SV2B: variants seen among roughly 807,000 people sequenced by gnomAD.
SV2B encodes the protein solute carrier family 22 member B2.
Under a neutral mutation model 73.9 loss-of-function variants are expected in SV2B, and 41 were observed. That is an observed-to-expected ratio of 0.56 (90% CI 0.43 to 0.72). The LOEUF is 0.72. Ranked by LOEUF, SV2B falls within the 30% of genes least tolerant of loss-of-function variation. The pLI is 0.00. For missense variants in SV2B, 764 were observed against 857.8 expected, an observed-to-expected ratio of 0.89 and a Z score of 1.37; for synonymous variants, 314 against 314.2, an observed-to-expected ratio of 1.00 and a Z score of 0.01.
At chr15:91,221,697 A>G (rs111723431) in intron 1 of SV2B, among the ~76,000 whole-genome samples, 11,964 of 113,182 alleles carry the variant, frequency 0.11, 565 homozygotes, top group Middle Eastern at 0.14. Flanking sequence ...ATGTGCGCAC[A>G]CACACACACA....
rs1487988357 is a variant in SV2B at position 91,140,456 on chromosome 15, G to A, written c.-392+40093G>A. 5.3e-5 allele frequency among the ~76,000 whole-genome samples: 8 copies of A among 152,212 alleles called. No homozygotes were observed. On this transcript the variant is annotated intron_variant, in intron 1 of 12. Transcript: ENST00000394232. This position sits in a 1 kb window ranked among gnomAD's most constrained non-coding sequence, Gnocchi z 4.4. Reference sequence around the variant, plus strand: ...TTCTCAAAGGAAGCTTTAATTAGGTGTATATCTCTCCTGTGTGCCAATTCG... The same window carrying A: ...TTCTCAAAGGAAGCTTTAATTAGGTATATATCTCTCCTGTGTGCCAATTCG...
chr15:91,268,608 A>G lies in SV2B; in HGVS notation c.1373+3A>G. On this transcript the variant is annotated splice_donor_region_variant and intron_variant, in intron 9 of 12. Coordinates refer to ENST00000394232, the MANE Select transcript of SV2B (RefSeq NM_001323032.3). The surrounding 1 kb of genome is among the most constrained non-coding windows in gnomAD (Gnocchi z 4.4). ...CATGGGAAACTTGTGAATGATAAGT[A>G]AGTGAGTGATCACGGGCTTCCCTCA... The G allele has an allele frequency of 1.2e-6, 2 of 1,609,128 alleles. No homozygotes were observed. The highest frequency in any genetic ancestry group is 1.7e-4 in the Middle Eastern group (1 of 6,050).
At chr15:91,143,413 C>G (rs953593442) in intron 1 of SV2B, among the ~76,000 whole-genome samples, 3 of 152,174 alleles carry the variant, frequency 2.0e-5, no homozygotes, top group Non-Finnish European at 4.4e-5. Flanking sequence ...CCGAGAATAC[C>G]TGCTGGTGGC....
At chr15:91,287,483 G>A in intron 11 of SV2B, among the ~76,000 whole-genome samples, 1 of 152,142 alleles carries the variant, frequency 6.6e-6, no homozygotes, top group Non-Finnish European at 1.5e-5. Context: ...GCCATGTTCT[G>A]CATCCACCTT....
intron 1 of SV2B, among the ~76,000 whole-genome samples, chr15:91,215,874 T>C (rs1444020631): frequency 2.0e-5 from 3 of 152,192 alleles, no homozygotes; most frequent in Non-Finnish European, 2.9e-5. Flanking sequence ...TATTTAAAAC[T>C]AAAAACCATT....
At chr15:91,205,677 C>T (rs1332745387) in intron 1 of SV2B, among the ~76,000 whole-genome samples, 2 of 152,084 alleles carry the variant, frequency 1.3e-5, no homozygotes, top group Admixed American at 1.3e-4. Context: ...AGGATAACAA[C>T]ATTTTCATAC....
chr15:91,261,153 C>T lies in SV2B; in HGVS notation c.1008+744C>T, dbSNP rs2047898133. On this transcript the variant is annotated intron_variant, in intron 6 of 12. Coordinates refer to ENST00000394232, the MANE Select transcript of SV2B (RefSeq NM_001323032.3). This position sits in a 1 kb window ranked among gnomAD's most constrained non-coding sequence, Gnocchi z 4.7. Reference sequence around the variant, plus strand: ...TGGCGGGTACCTAAAATCCCAGCTACTCAGGAGGCTGAGGCAGGAGAATTG... The same window carrying T: ...TGGCGGGTACCTAAAATCCCAGCTATTCAGGAGGCTGAGGCAGGAGAATTG... Among the ~76,000 whole-genome samples, 1 of 152,084 alleles carries T rather than the reference C, an allele frequency of 6.6e-6. No individual in the cohort carries two copies. Among genetic ancestry groups the T allele is most frequent in the Admixed American group, 6.5e-5 (1 of 15,268 alleles).
intron 1 of SV2B, among the ~76,000 whole-genome samples, chr15:91,157,664 C>A (rs1038179329): frequency 6.6e-6 from 1 of 152,182 alleles, no homozygotes; most frequent in African/African-American, 2.4e-5. Context: ...GAGGGGAGAA[C>A]TGAGGCATAG....
rs1393972436 is a variant in SV2B at position 91,115,427 on chromosome 15, A to T, written c.-392+15064A>T. Reference sequence around the variant, plus strand: ...TGCTCTGTTACTCAGGTTGGAGTACAGTAGTGTGATCTTGGCTCACTGCAA... The same window carrying T: ...TGCTCTGTTACTCAGGTTGGAGTACTGTAGTGTGATCTTGGCTCACTGCAA... On this transcript the variant is annotated intron_variant, in intron 1 of 12. Transcript: ENST00000394232. The surrounding 1 kb of genome is among the most constrained non-coding windows in gnomAD (Gnocchi z 4.3). Among the ~76,000 whole-genome samples, 1 of 151,956 alleles carries T rather than the reference A, an allele frequency of 6.6e-6. No individual in the cohort carries two copies. Among genetic ancestry groups the T allele is most frequent in the Non-Finnish European group, 1.5e-5 (1 of 67,988 alleles).
chr15:91,184,144 C>A (rs1338155036), intron 1 of SV2B, among the ~76,000 whole-genome samples: 1 of 152,152 alleles, frequency 6.6e-6, no homozygotes, highest in Admixed American at 6.5e-5. Context: ...TGCCCCAGTA[C>A]CTAGCATAGA....
At chr15:91,151,457 C>T (rs1021448880) in intron 1 of SV2B, among the ~76,000 whole-genome samples, 1 of 152,180 alleles carries the variant, frequency 6.6e-6, no homozygotes, top group African/African-American at 2.4e-5. Context: ...AGCCTGAGAC[C>T]ACTAAGGACC....
rs3837744 is a variant in SV2B, at chr15:91,238,984, TTAACCAGCACTAGCTCAGATGAAC to T, written c.451+12272_451+12295del. 2.6e-3 allele frequency among the ~76,000 whole-genome samples: 394 copies of T among 152,336 alleles called. 6 individuals are homozygous for T. The highest frequency in any genetic ancestry group is 0.017 in the East Asian group (86 of 5,188). ...AAAATTCCTCTTTATTTTGTAAATCTTAACCAGCACTAGCTCAGATGAACTGATTTTCACTTTGCAAAGGTTTGA... is the reference window on the plus strand; with the variant it reads ...AAAATTCCTCTTTATTTTGTAAATCTTGATTTTCACTTTGCAAAGGTTTGA... On this transcript the variant is annotated intron_variant, in intron 2 of 12. Coordinates refer to ENST00000394232, the MANE Select transcript of SV2B (RefSeq NM_001323032.3).
At position 91,268,802 on chromosome 15, in the gene SV2B, C is replaced by T. The variant is rs2048197038; in HGVS notation, c.1373+197C>T. On this transcript the variant is annotated intron_variant, in intron 9 of 12. Coordinates refer to ENST00000394232, the MANE Select transcript of SV2B (RefSeq NM_001323032.3). This position sits in a 1 kb window ranked among gnomAD's most constrained non-coding sequence, Gnocchi z 4.4. The stretch of plus-strand genomic sequence containing the variant: ...GGCTGTGTCTGTGTTGTGCTGGCTC[C>T]CCGACACCCTAATCTCCTGGTGAGA... Among the ~76,000 whole-genome samples the T allele has an allele frequency of 1.3e-5, 2 of 152,134 alleles. No individual in the cohort carries two copies. The highest frequency in any genetic ancestry group is 4.8e-5 in the African/African-American group (2 of 41,410).
In SV2B at chr15:91,232,934, G is replaced by A. The variant is rs988000780; in HGVS notation, c.451+6220G>A. ...CACGAATACCCAATATTTAGCGCTC[G>A]CTTATAAGTGAGAACATGCAGTGTT... On this transcript the variant is annotated intron_variant, in intron 2 of 12. Coordinates refer to ENST00000394232, the MANE Select transcript of SV2B (RefSeq NM_001323032.3). This position sits in a 1 kb window ranked among gnomAD's most constrained non-coding sequence, Gnocchi z 4.7. Among the ~76,000 whole-genome samples the A allele has an allele frequency of 3.9e-5, 6 of 152,076 alleles. No individual in the cohort carries two copies. Among genetic ancestry groups the A allele is most frequent in the Non-Finnish European group, 5.9e-5 (4 of 67,992 alleles).
intron 1 of SV2B, among the ~76,000 whole-genome samples, chr15:91,193,604 G>A (rs1034943629): frequency 1.9e-4 from 29 of 152,172 alleles, no homozygotes; most frequent in Non-Finnish European, 4.3e-4. Flanking sequence ...AGACATCCAA[G>A]TATGTGAGAG....
At chr15:91,170,453 G>A (rs767278889) in intron 1 of SV2B, among the ~76,000 whole-genome samples, 16 of 152,138 alleles carry the variant, frequency 1.1e-4, no homozygotes, top group Non-Finnish European at 1.6e-4. Context: ...ACACCCAGCT[G>A]ATTTTTGTAT....
chr15:91,161,662 A>G (rs536150951), intron 1 of SV2B, among the ~76,000 whole-genome samples: 2 of 152,282 alleles, frequency 1.3e-5, no homozygotes, highest in South Asian at 2.1e-4. Flanking sequence ...GAGGCATAGG[A>G]AGGTTAATTA....
chr15:91,163,699 C>G (rs2043808709), intron 1 of SV2B, among the ~76,000 whole-genome samples: 1 of 152,136 alleles, frequency 6.6e-6, no homozygotes, highest in South Asian at 2.1e-4. Flanking sequence ...AAAATTTTCT[C>G]CCATTCTGAA....
At position 91,128,158 on chromosome 15, in the gene SV2B, A is replaced by G. The variant is rs906814036; in HGVS notation, c.-392+27795A>G. On this transcript the variant is annotated intron_variant, in intron 1 of 12. Transcript: ENST00000394232. The surrounding 1 kb of genome is among the most constrained non-coding windows in gnomAD (Gnocchi z 4.2). ...TTTCCACCCTCTGGGGACAAATCCC[A>G]TCACCAACTCAGCTCTTTGTGTAGC... Among the ~76,000 whole-genome samples the G allele has an allele frequency of 6.6e-6, 1 of 152,332 alleles. No individual in the cohort carries two copies. The highest frequency in any genetic ancestry group is 1.5e-5 in the Non-Finnish European group (1 of 68,018).
Sources: allele counts gnomAD v4.1 joint callset (sites outside exome capture counted in the v4.1 genomes callset), GRCh38; gene constraint gnomAD v4.1.1; non-coding constraint Gnocchi (gnomAD v3.1); transcripts MANE v1.5; gene names NCBI Gene and HGNC (gene_info 2026-07-23, HGNC 2026-07-21).